Variants in ADAM10 observed in about 807,000 individuals in gnomAD.
The protein encoded by ADAM10 is ADAM metallopeptidase domain 10.
ADAM10 carries 17 observed loss-of-function variants against 90.1 expected under a neutral mutation model. The ratio of observed to expected loss-of-function variants is 0.19; its 90% confidence interval spans 0.13 to 0.28. The LOEUF is 0.28. ADAM10 is among the 10% of genes least tolerant of loss of function. The probability of loss-of-function intolerance (pLI) is 1.00; values close to 1 mark genes in which losing one functional copy is unlikely to be tolerated. For missense variants in ADAM10, 610 were observed against 914.3 expected (o/e 0.67, Z 4.29); for synonymous variants, 310 against 298.6 (o/e 1.04, Z -0.40).
intron 2 of ADAM10, among the ~76,000 whole-genome samples, chr15:58,702,179 T>C (rs1458523801): frequency 6.6e-6 from 1 of 151,962 alleles, no homozygotes; most frequent in Admixed American, 6.6e-5. Flanking sequence ...TTATGTTGAG[T>C]GAACTAAGCC....
At chr15:58,715,974 CTAA>C in intron 2 of ADAM10, among the ~76,000 whole-genome samples, 1 of 152,192 alleles carries the variant, frequency 6.6e-6, no homozygotes, top group Middle Eastern at 3.4e-3. Flanking sequence ...AACAGTAAGA[CTAA>C]TGATTGCTTG....
At chr15:58,689,951 C>CG (rs1454579646) in intron 2 of ADAM10, among the ~76,000 whole-genome samples, 3 of 129,382 alleles carry the variant, frequency 2.3e-5, no homozygotes, top group Admixed American at 7.8e-5. Flanking sequence ...CAGACCCCCC[C>CG]CAAAAAAAAA....
chr15:58,655,728 T>TATATATA (rs1779773020), intron 5 of ADAM10, among the ~76,000 whole-genome samples: 1 of 110,736 alleles, frequency 9.0e-6, no homozygotes, highest in African/African-American at 3.5e-5. Flanking sequence ...TATATATATA[T>TATATATA]ATATATATAT....
intron 11 of ADAM10, among the ~76,000 whole-genome samples, chr15:58,617,801 C>CA (rs545780666): frequency 9.2e-4 from 122 of 132,426 alleles, no homozygotes; most frequent in African/African-American, 2.4e-3. Flanking sequence ...ATAATAGCTG[C>CA]AAAAAAAAGA....
At chr15:58,671,690 C>T (rs1479777930) in intron 4 of ADAM10, among the ~76,000 whole-genome samples, 1 of 152,164 alleles carries the variant, frequency 6.6e-6, no homozygotes, top group Non-Finnish European at 1.5e-5. Flanking sequence ...CCTGGCAACA[C>T]AGTGAGACCT....
At chr15:58,603,876 TAAAAA>T (rs34718794) in intron 14 of ADAM10, among the ~76,000 whole-genome samples, 8 of 72,058 alleles carry the variant, frequency 1.1e-4, no homozygotes, top group African/African-American at 3.7e-4. Context: ...GGTCCAGGGT[TAAAAA>T]AAAAAAAAAA....
At chr15:58,659,587 T>C (rs1896920135) in intron 5 of ADAM10, among the ~76,000 whole-genome samples, 1 of 152,186 alleles carries the variant, frequency 6.6e-6, no homozygotes, top group African/African-American at 2.4e-5. Flanking sequence ...TTTTTATATA[T>C]ATTGCTGGAT....
intron 11 of ADAM10, among the ~76,000 whole-genome samples, chr15:58,620,012 G>A (rs1279193549): frequency 2.0e-5 from 3 of 151,754 alleles, no homozygotes; most frequent in African/African-American, 7.3e-5. Flanking sequence ...CCACATTCTT[G>A]CCCTGTTCAC....
Position 58,610,454 on chromosome 15 carries a change from G to A in ADAM10, c.1868C>T (p.Thr623Ile). 5 of 1,614,110 alleles carry A rather than the reference G, an allele frequency of 3.1e-6. No homozygotes were observed. The highest frequency in any genetic ancestry group is 4.2e-6 in the Non-Finnish European group (5 of 1,180,020). ...VQWSRHFSGR[T>I]ITLQPGSPCN... is the part of the protein sequence containing the mutation. The stretch of plus-strand genomic sequence containing the variant: ...AGGGGATCCAGGTTGCAGGGTGATG[G>A]TTCGACCACTGAAGTGCCTACTCCA... The change falls in exon 14 of 16, where the codon ACC (threonine) becomes ATC (isoleucine). Residue 623 changes from threonine (T) to isoleucine (I), a missense_variant. By Grantham distance (89) the Thr-to-Ile change is moderately conservative. Transcript: ENST00000260408.
intron 2 of ADAM10, among the ~76,000 whole-genome samples, chr15:58,706,375 TG>T (rs1228579719): frequency 4.6e-5 from 7 of 152,326 alleles, no homozygotes; most frequent in Admixed American, 3.9e-4. Flanking sequence ...TAGGAGTAAC[TG>T]TACTTAACTA....
chr15:58,688,847 C>T (rs1389841096), intron 2 of ADAM10, among the ~76,000 whole-genome samples: 4 of 138,232 alleles, frequency 2.9e-5, no homozygotes, highest in African/African-American at 8.4e-5. Context: ...AGAATATCAG[C>T]GAACTTGAAG....
At chr15:58,619,954 A>G (rs1339013474) in intron 11 of ADAM10, among the ~76,000 whole-genome samples, 1 of 152,064 alleles carries the variant, frequency 6.6e-6, no homozygotes, top group Non-Finnish European at 1.5e-5. Context: ...CCAAACAGTC[A>G]AGAAAAGTGT....
At chr15:58,626,786 A>C (rs1895959641) in intron 10 of ADAM10, among the ~76,000 whole-genome samples, 1 of 152,136 alleles carries the variant, frequency 6.6e-6, no homozygotes, top group African/African-American at 2.4e-5. Flanking sequence ...AGTGGATTAG[A>C]GGTTACCAGG....
At chr15:58,599,309 G>T (rs1422552321) in intron 15 of ADAM10, among the ~76,000 whole-genome samples, 3 of 147,760 alleles carry the variant, frequency 2.0e-5, no homozygotes, top group African/African-American at 7.6e-5. Context: ...GAATATGTTA[G>T]AATATATTTA....
rs1183085703 is a variant in ADAM10, at chr15:58,670,198, T to TA, written c.485-5002dup. On this transcript the variant is annotated intron_variant, in intron 4 of 15. Coordinates refer to ENST00000260408, the MANE Select transcript of ADAM10 (RefSeq NM_001110.4). Reference sequence around the variant, plus strand: ...TGTAGACCCTGATTAAATCCTGTATTAAAAAAAAAAAAATAGGAGACATTT... The same window carrying TA: ...TGTAGACCCTGATTAAATCCTGTATTAAAAAAAAAAAAAATAGGAGACATTT... Among the ~76,000 whole-genome samples the TA allele has an allele frequency of 2.9e-3, 420 of 143,472 alleles. 1 individual carries two copies. Among genetic ancestry groups the TA allele is most frequent in the African/African-American group, 7.3e-3 (286 of 39,404 alleles). 94.1% of individuals were successfully genotyped at this position (143,472 alleles called of 152,430 possible).
chr15:58,695,887 C>T (rs1426870118), intron 2 of ADAM10, among the ~76,000 whole-genome samples: 5 of 151,934 alleles, frequency 3.3e-5, no homozygotes, highest in East Asian at 3.9e-4. Context: ...GAGGCCGAGG[C>T]GGGTGGATCA....
chr15:58,632,421 C>T (rs116888857), intron 9 of ADAM10, among the ~76,000 whole-genome samples: 1 of 152,134 alleles, frequency 6.6e-6, no homozygotes, highest in African/African-American at 2.4e-5. Flanking sequence ...CAATTATTGG[C>T]TCTGAATTAG....
intron 1 of ADAM10, among the ~76,000 whole-genome samples, chr15:58,718,428 GTTTTC>G (rs1222619092): frequency 2.6e-5 from 4 of 151,154 alleles, no homozygotes; most frequent in East Asian, 2.0e-4. Context: ...CCGGCTTACA[GTTTTC>G]TTTTCTTGTA....
chr15:58,604,832 T>TG (rs1443354682), intron 14 of ADAM10, among the ~76,000 whole-genome samples: 1 of 152,168 alleles, frequency 6.6e-6, no homozygotes, highest in Admixed American at 6.5e-5. Context: ...ACTGCAGCCT[T>TG]GCCCTCCTGG....
Sources: allele counts gnomAD v4.1 joint callset (sites outside exome capture counted in the v4.1 genomes callset), GRCh38; gene constraint gnomAD v4.1.1; transcripts MANE v1.5; gene names NCBI Gene and HGNC (gene_info 2026-07-23, HGNC 2026-07-21).